The following ALDH1L1 variants were observed in gnomAD, a reference collection of about 807,000 sequenced individuals.
ALDH1L1 encodes cytosolic 10-formyltetrahydrofolate dehydrogenase.
A neutral mutation model predicts 101.1 loss-of-function variants in ALDH1L1; 68 were observed. The ratio of observed to expected loss-of-function variants is 0.67; its 90% CI spans 0.55 to 0.82. The LOEUF (loss-of-function observed/expected upper bound fraction) is 0.82. Ranked by LOEUF, ALDH1L1 falls within the 40% of genes least tolerant of loss-of-function variation. ALDH1L1 has a pLI of 0.00. For synonymous variants in ALDH1L1, 486 were observed against 470.8 expected (o/e 1.03, Z -0.42); for missense variants, 1,087 against 1,172.7 (o/e 0.93, Z 1.07).
intron 4 of ALDH1L1, among the ~76,000 whole-genome samples, chr3:126,157,010 C>T (rs971046007): frequency 3.9e-5 from 6 of 152,150 alleles, no homozygotes; most frequent in East Asian, 1.9e-4. Context: ...AGAATCCTAA[C>T]GATGTCATAA....
Position 126,150,478 on chromosome 3 carries a change from G to A in ALDH1L1, c.912C>T (p.Asn304=), listed in dbSNP as rs1213368516. 6.4e-7 allele frequency: 1 copy of A among 1,551,620 alleles called. No individual in the cohort carries two copies. The highest frequency in any genetic ancestry group is 8.7e-7 in the Non-Finnish European group (1 of 1,146,940). ...CACTGCTGGCTGCCCCCTTAAAGAA[G>A]TTCGAGGCCAGGATCATTTTGCCAT... ...LEDGKMILAS[N]FFKGAASSVL... is the part of the protein sequence containing the mutation. Residue 304 remains asparagine, a synonymous_variant, in exon 8 of 23, where the codon AAC becomes AAT. Coordinates refer to ENST00000393434, the MANE Select transcript of ALDH1L1 (RefSeq NM_012190.4).
At chr3:126,109,408 C>A (rs1320160843) in intron 20 of ALDH1L1, among the ~76,000 whole-genome samples, 2 of 152,082 alleles carry the variant, frequency 1.3e-5, no homozygotes, top group Non-Finnish European at 2.9e-5. Flanking sequence ...GGGGGACATC[C>A]AGGTGGAAGT....
intron 1 of ALDH1L1, among the ~76,000 whole-genome samples, chr3:126,190,316 A>G (rs944277884): frequency 2.0e-5 from 3 of 152,228 alleles, no homozygotes; most frequent in Admixed American, 1.3e-4. Context: ...TTGACAAATC[A>G]AACATTGGCT....
chr3:126,121,452 CTG>C (rs2080077638), intron 16 of ALDH1L1, among the ~76,000 whole-genome samples: 1 of 152,108 alleles, frequency 6.6e-6, no homozygotes, highest in Non-Finnish European at 1.5e-5. Flanking sequence ...TTTTTACTTA[CTG>C]GGTTAGAGAG....
Position 126,155,486 on chromosome 3 carries a change from C to T in ALDH1L1, c.546G>A (p.Leu182=). 2 of 1,612,752 alleles carry T rather than the reference C, an allele frequency of 1.2e-6. No homozygotes were observed. The highest frequency in any genetic ancestry group is 1.7e-6 in the Non-Finnish European group (2 of 1,179,526). Residue 182 remains leucine (L), a synonymous_variant, in exon 5 of 23, where the codon CTG becomes CTA. Transcript: ENST00000393434. The stretch of plus-strand genomic sequence containing the variant: ...GTCTGGGGGCTTTGCCCTCAGCGAT[C>T]AGCCTCACGGCCTGCACCTGGGGAG... ...GIKGMVQAVR[L]IAEGKAPRLP...
intron 12 of ALDH1L1, among the ~76,000 whole-genome samples, chr3:126,132,251 C>A (rs938922661): frequency 2.6e-5 from 4 of 152,208 alleles, no homozygotes; most frequent in Non-Finnish European, 5.9e-5. Context: ...GGAGACAGGG[C>A]AGCTCGGGCC....
chr3:126,111,830 C>T (rs527280370), intron 19 of ALDH1L1, among the ~76,000 whole-genome samples: 21 of 152,336 alleles, frequency 1.4e-4, no homozygotes, highest in South Asian at 4.1e-4. Flanking sequence ...AACCTAGGGG[C>T]GGTGGGGGGC....
rs750203446 is a variant in ALDH1L1, at chr3:126,150,448, A to G, written c.942T>C (p.Leu314=). The G allele has an allele frequency of 5.5e-5, 86 of 1,551,480 alleles. No homozygotes were observed. The highest frequency in any genetic ancestry group is 7.0e-5 in the Non-Finnish European group (80 of 1,146,930). Residue 314 remains leucine, a synonymous_variant, in exon 8 of 23, where the codon CTT becomes CTC. Transcript: ENST00000393434. ...TAACCAGCTCTGCCTCTGTCAGCTC[A>G]AGGACACTGCTGGCTGCCCCCTTAA... ...NFFKGAASSV[L]ELTEAELVTA...
At chr3:126,111,156 C>T (rs1261092637) in intron 19 of ALDH1L1, among the ~76,000 whole-genome samples, 1 of 152,256 alleles carries the variant, frequency 6.6e-6, no homozygotes, top group Non-Finnish European at 1.5e-5. Context: ...GGCAGGCCAG[C>T]TCCCCAACTA....
At chr3:126,119,168 C>A (rs181014346) in intron 16 of ALDH1L1, among the ~76,000 whole-genome samples, 89 of 152,268 alleles carry the variant, frequency 5.8e-4, no homozygotes, top group Non-Finnish European at 7.9e-4. Flanking sequence ...GCTTACATTG[C>A]GTGCTCAGCT....
chr3:126,180,879 G>T, upstream of ALDH1L1: 1 of 1,579,496 alleles, frequency 6.3e-7, no homozygotes, highest in South Asian at 1.2e-5. Flanking sequence ...CGCTGGCAAG[G>T]CTAAGTGGGT....
chr3:126,152,989 C>T (rs1413817624), intron 7 of ALDH1L1: 5 of 272,050 alleles, frequency 1.8e-5, no homozygotes, highest in East Asian at 9.1e-5. Flanking sequence ...AGCAGGTGGC[C>T]GGCATGGCTC....
Position 126,110,098 on chromosome 3 carries a change from C to T in ALDH1L1, c.2193G>A (p.Val731=). ...DEFVRRVVEE[V]RKMKVGNPLD... is the part of the protein sequence containing the mutation. ...GCGGGTTGCCCACCTTCATCTTCCG[C>T]ACCTCTTCTACCTGCAGAAAGTCCT... is the stretch of plus-strand genomic sequence containing the variant. Residue 731 remains valine, a synonymous_variant, in exon 20 of 23, where the codon GTG becomes GTA. Transcript: ENST00000393434. 8.1e-6 allele frequency: 13 copies of T among 1,614,162 alleles called. No homozygotes were observed. Among genetic ancestry groups the T allele is most frequent in the Non-Finnish European group, 1.1e-5 (13 of 1,180,012 alleles).
intron 9 of ALDH1L1, among the ~76,000 whole-genome samples, chr3:126,141,254 T>G (rs906670234): frequency 6.6e-6 from 1 of 151,988 alleles, no homozygotes; most frequent in Non-Finnish European, 1.5e-5. Flanking sequence ...CTAAAATATA[T>G]GAAGCAAAAA....
At chr3:126,114,918 G>A (rs1435751384) in intron 17 of ALDH1L1, 3 of 543,318 alleles carry the variant, frequency 5.5e-6, no homozygotes, top group Non-Finnish European at 1.1e-5. Flanking sequence ...CTCATTTCCT[G>A]CAGGCCTGTG....
intron 9 of ALDH1L1, among the ~76,000 whole-genome samples, chr3:126,139,211 T>C (rs1327942010): frequency 6.6e-6 from 1 of 152,188 alleles, no homozygotes; most frequent in Admixed American, 6.5e-5. Context: ...AAGTAGCTTC[T>C]AGGAGATTTT....
chr3:126,166,711 G>A (rs896148894), intron 1 of ALDH1L1, among the ~76,000 whole-genome samples: 1 of 151,948 alleles, frequency 6.6e-6, no homozygotes, highest in African/African-American at 2.4e-5. Context: ...AATGTACTAA[G>A]TAAATCATTC....
Position 126,112,278 on chromosome 3 carries a change from C to T in ALDH1L1, c.2181+504G>A, listed in dbSNP as rs532790364. On this transcript the variant is annotated intron_variant, in intron 19 of 22. Coordinates refer to ENST00000393434, the MANE Select transcript of ALDH1L1 (RefSeq NM_012190.4). ...GACGGGAGCTACTCTCCCCTGCTGG[C>T]GGCCCACAGCCAAGCCTACCTGCCA... Among the ~76,000 whole-genome samples the T allele has an allele frequency of 3.9e-4, 59 of 152,288 alleles. No individual in the cohort carries two copies. In the East Asian group the frequency reaches 9.7e-3, roughly 25 times the overall value.
intron 13 of ALDH1L1, among the ~76,000 whole-genome samples, chr3:126,130,635 G>A (rs2080281831): frequency 6.6e-6 from 1 of 152,244 alleles, no homozygotes; most frequent in African/African-American, 2.4e-5. Flanking sequence ...AGGCCTTGGG[G>A]GGTCCAGCTG....
Sources: gnomAD v4.1 joint callset for allele counts (sites outside exome capture counted in the v4.1 genomes callset) on GRCh38, gnomAD v4.1.1 for gene constraint, MANE v1.5 for transcripts, NCBI Gene and HGNC (gene_info 2026-07-23, HGNC 2026-07-21) for gene names.